AIG1: variants seen among roughly 807,000 people sequenced by gnomAD.
AIG1 encodes the protein androgen-induced gene 1 protein.
Under a neutral mutation model 31.4 loss-of-function variants are expected in AIG1, and 23 were observed. The ratio of observed to expected loss-of-function variants is 0.73; its 90% CI spans 0.53 to 1.04. The LOEUF is 1.04. AIG1 is among the 50% of genes least tolerant of loss of function. The probability of loss-of-function intolerance (pLI) is 0.00; values close to 1 mark genes in which losing one functional copy is unlikely to be tolerated. For missense variants in AIG1, 274 were observed against 295.0 expected, an observed-to-expected ratio of 0.93 and a Z score of 0.52; for synonymous variants, 100 against 110.5, an observed-to-expected ratio of 0.90 and a Z score of 0.60.
rs114259414 is a variant in AIG1 at position 143,244,540 on chromosome 6, T to G, written c.400-39570T>G. 8.0e-3 allele frequency among the ~76,000 whole-genome samples: 1,218 copies of G among 152,236 alleles called. 14 individuals carry two copies. Among genetic ancestry groups the G allele is most frequent in the African/African-American group, 0.028 (1,169 of 41,552 alleles). On this transcript the variant is annotated intron_variant, in intron 3 of 5. Transcript: ENST00000357847. ...CTGATAACGTACTAAATGGATCACA[T>G]GGGTATGGGCTTTAATAATGTCACT...
chr6:143,278,538 G>A lies in AIG1; in HGVS notation c.400-5572G>A, dbSNP rs1398216861. On this transcript the variant is annotated intron_variant, in intron 3 of 5. Coordinates refer to ENST00000357847, the MANE Select transcript of AIG1 (RefSeq NM_016108.4). Reference sequence around the variant, plus strand: ...GGCTGCAGTGCGGTGGCGTGATCTCGGCTCACTGCAACCTCTGCCTCCCAG... The same window carrying A: ...GGCTGCAGTGCGGTGGCGTGATCTCAGCTCACTGCAACCTCTGCCTCCCAG... 3.4e-5 allele frequency among the ~76,000 whole-genome samples: 5 copies of A among 148,904 alleles called. No homozygotes were observed. The East Asian group carries it at 5.9e-4, about 18-fold the overall frequency.
intron 3 of AIG1, among the ~76,000 whole-genome samples, chr6:143,213,697 A>G (rs1406711886): frequency 6.6e-6 from 1 of 150,778 alleles, no homozygotes; most frequent in Non-Finnish European, 1.5e-5. Flanking sequence ...TTACATTTTT[A>G]GTAGAGACAG....
chr6:143,140,386 A>T (rs1482622502), intron 2 of AIG1, among the ~76,000 whole-genome samples: 1 of 152,042 alleles, frequency 6.6e-6, no homozygotes, highest in African/African-American at 2.4e-5. Flanking sequence ...TCTGTCTCTA[A>T]TGTTATTTCC....
At chr6:143,150,919 A>G (rs1317988420) in intron 2 of AIG1, among the ~76,000 whole-genome samples, 1 of 152,186 alleles carries the variant, frequency 6.6e-6, no homozygotes, top group Non-Finnish European at 1.5e-5. Flanking sequence ...AACAACAAAA[A>G]TATCTATAAT....
chr6:143,187,726 T>G, intron 3 of AIG1: 1 of 1,535,982 alleles, frequency 6.5e-7, no homozygotes, highest in East Asian at 2.4e-5. Context: ...CAGCAATGAC[T>G]AAAGGATTGA....
chr6:143,339,881 A>G lies in AIG1; in HGVS notation c.*205A>G. ...AAGAACTCACCCTCACTGTGTGTTA[A>G]AGAATTCTTCCCAAAGTCATTACTG... is the stretch of plus-strand genomic sequence containing the variant. On this transcript the variant is annotated 3_prime_UTR_variant, in exon 6 of 6. Transcript: ENST00000357847. 1 of 399,608 alleles carries G rather than the reference A, an allele frequency of 2.5e-6. No individual in the cohort carries two copies. 24.8% of individuals were successfully genotyped at this position (399,608 alleles called of 1,614,324 possible).
intron 3 of AIG1, among the ~76,000 whole-genome samples, chr6:143,213,020 C>T (rs1396179254): frequency 1.3e-5 from 2 of 152,178 alleles, no homozygotes; most frequent in Non-Finnish European, 2.9e-5. Context: ...TCTGAAAAAG[C>T]ATTGTGATCC....
At chr6:143,246,780 A>G (rs1365099719) in intron 3 of AIG1, among the ~76,000 whole-genome samples, 1 of 152,230 alleles carries the variant, frequency 6.6e-6, no homozygotes, top group South Asian at 2.1e-4. Flanking sequence ...TTAGCCAACT[A>G]TGAACAAAAG....
intron 3 of AIG1, among the ~76,000 whole-genome samples, chr6:143,207,687 G>T (rs531744631): frequency 6.6e-6 from 1 of 152,220 alleles, no homozygotes; most frequent in African/African-American, 2.4e-5. Context: ...TAGAAGGTGA[G>T]TTCTTCCCTG....
chr6:143,276,070 C>T (rs1796877029), intron 3 of AIG1, among the ~76,000 whole-genome samples: 1 of 152,146 alleles, frequency 6.6e-6, no homozygotes, highest in South Asian at 2.1e-4. Flanking sequence ...TGGGTGTCCT[C>T]ATTAGGATTC....
At chr6:143,253,210 T>A (rs1795140023) in intron 3 of AIG1, among the ~76,000 whole-genome samples, 1 of 152,240 alleles carries the variant, frequency 6.6e-6, no homozygotes, top group South Asian at 2.1e-4. Flanking sequence ...CTGTCACACC[T>A]GGTAACAACC....
intron 3 of AIG1, among the ~76,000 whole-genome samples, chr6:143,220,964 C>G (rs1372983812): frequency 2.0e-5 from 3 of 152,072 alleles, no homozygotes; most frequent in African/African-American, 4.8e-5. Context: ...TAAGAATGGA[C>G]TTGGGGTCTG....
At chr6:143,252,960 G>A (rs1187531844) in intron 3 of AIG1, among the ~76,000 whole-genome samples, 3 of 152,178 alleles carry the variant, frequency 2.0e-5, no homozygotes, top group Non-Finnish European at 4.4e-5. Context: ...TTTGGCCAGA[G>A]GATGCCCCTT....
chr6:143,274,947 T>C (rs1353586787), intron 3 of AIG1, among the ~76,000 whole-genome samples: 1 of 152,204 alleles, frequency 6.6e-6, no homozygotes, highest in Non-Finnish European at 1.5e-5. Flanking sequence ...GCTCAGTAAA[T>C]GGTAGCTATT....
chr6:143,083,524 A>G (rs1005403781), intron 1 of AIG1, among the ~76,000 whole-genome samples: 1 of 152,198 alleles, frequency 6.6e-6, no homozygotes, highest in East Asian at 1.9e-4. Flanking sequence ...AAAGTGGAGT[A>G]TAAGGGTTAG....
At chr6:143,205,235 A>G (rs1168655772) in intron 3 of AIG1, among the ~76,000 whole-genome samples, 1 of 152,200 alleles carries the variant, frequency 6.6e-6, no homozygotes, top group Non-Finnish European at 1.5e-5. Context: ...CTAAGGCTGG[A>G]GTAGCAAAAC....
chr6:143,211,976 T>G lies in AIG1; in HGVS notation c.399+46793T>G, dbSNP rs78327814. Among the ~76,000 whole-genome samples the G allele has an allele frequency of 3.8e-3, 577 of 152,290 alleles. 2 individuals carry two copies. Among genetic ancestry groups the G allele is most frequent in the African/African-American group, 0.013 (555 of 41,558 alleles). ...TCCTACTTGTTCTGAATGTCCTTTGTGTAACCCAGGGTTTCTCAGCCTCAG... is the reference window on the plus strand; with the variant it reads ...TCCTACTTGTTCTGAATGTCCTTTGGGTAACCCAGGGTTTCTCAGCCTCAG... On this transcript the variant is annotated intron_variant, in intron 3 of 5. Coordinates refer to ENST00000357847, the MANE Select transcript of AIG1 (RefSeq NM_016108.4).
intron 1 of AIG1, among the ~76,000 whole-genome samples, chr6:143,074,505 C>T (rs965660663): frequency 6.6e-6 from 1 of 152,132 alleles, no homozygotes; most frequent in Admixed American, 6.5e-5. Flanking sequence ...AGAGATTATC[C>T]TTTCCCCATT....
At chr6:143,135,208 T>G (rs1333414104) in intron 1 of AIG1, among the ~76,000 whole-genome samples, 1 of 152,038 alleles carries the variant, frequency 6.6e-6, no homozygotes, top group East Asian at 1.9e-4. Context: ...TTAGTTACCT[T>G]TTTATGTTTA....
Sources: gnomAD v4.1 joint callset for allele counts (sites outside exome capture counted in the v4.1 genomes callset) on GRCh38, gnomAD v4.1.1 for gene constraint, MANE v1.5 for transcripts, NCBI Gene and HGNC (gene_info 2026-07-23, HGNC 2026-07-21) for gene names.